The following ACCS variants were observed in gnomAD, a reference collection of about 807,000 sequenced individuals.
The protein encoded by ACCS is 1-aminocyclopropane-1-carboxylate synthase-like protein 1.
Under a neutral mutation model 59.8 loss-of-function variants are expected in ACCS, and 42 were observed. The ratio of observed to expected loss-of-function variants is 0.70; its 90% confidence interval spans 0.55 to 0.91. ACCS has a LOEUF of 0.91. Ranked by LOEUF, ACCS falls within the 40% of genes least tolerant of loss-of-function variation. The pLI, the probability that ACCS is intolerant of heterozygous loss-of-function variation, is 0.00. For missense variants in ACCS, 602 were observed against 630.4 expected, an observed-to-expected ratio of 0.95 and a Z score of 0.48; for synonymous variants, 230 against 240.3, an observed-to-expected ratio of 0.96 and a Z score of 0.40.
At chr11:44,075,651 C>T in intron 6 of ACCS, 59 bp downstream of exon 6, 5 of 1,585,686 alleles carry the variant, frequency 3.2e-6, no homozygotes, top group Non-Finnish European at 4.3e-6. Flanking sequence ...GCAGGGTTCC[C>T]AGTTGCCTGG....
Position 44,074,612 on chromosome 11 carries a change from C to G in ACCS, c.420C>G (p.Phe140Leu), listed in dbSNP as rs2134848264. The G allele has an allele frequency of 6.2e-7, 1 of 1,613,478 alleles. No homozygotes were observed. The highest frequency in any genetic ancestry group is 8.5e-7 in the Non-Finnish European group (1 of 1,179,692). ...LQYADWRGHLFLREEVAKFLS... is the reference protein window; with the variant it reads ...LQYADWRGHLLLREEVAKFLS... ...CACTGTCTTTTTGTCTTATCTTCAG[C>G]CTCCGGGAGGAAGTGGCCAAGTTCC... The change falls in exon 5 of 15, where the codon TTC becomes TTG. Residue 140 changes from phenylalanine to leucine, a missense_variant and splice_region_variant. Phe to Leu is a conservative substitution (Grantham distance 22). Transcript: ENST00000263776.
chr11:44,068,364 G>A (rs1952889707), intron 2 of ACCS, among the ~76,000 whole-genome samples: 1 of 152,188 alleles, frequency 6.6e-6, no homozygotes, highest in Non-Finnish European at 1.5e-5. Context: ...TTGGGAGGCT[G>A]AGGCAGAGGG....
intron 12 of ACCS, chr11:44,082,042 A>G (rs1021926066): frequency 1.3e-5 from 2 of 152,212 alleles, no homozygotes; most frequent in East Asian, 3.8e-4. Flanking sequence ...AAGAATTCTT[A>G]TATTTTCCTT....
rs1322089848 is a variant in ACCS, at chr11:44,083,797, G to C, written c.*5G>C. ...CCAAGTGACCAACGCAGGTGAGCTG[G>C]TCATTGTCTCGTGGCCAGAGGGCCC... On this transcript the variant is annotated 3_prime_UTR_variant, in exon 15 of 15. Coordinates refer to ENST00000263776, the MANE Select transcript of ACCS (RefSeq NM_032592.4). The C allele has an allele frequency of 3.7e-6, 6 of 1,601,708 alleles. No individual in the cohort carries two copies. Among genetic ancestry groups the C allele is most frequent in the Non-Finnish European group, 4.3e-6 (5 of 1,174,072 alleles).
rs768328446 is a variant in ACCS, at chr11:44,077,829, A to G, written c.655-16A>G. On this transcript the variant is annotated splice_polypyrimidine_tract_variant and intron_variant, in intron 7 of 14. Coordinates refer to ENST00000263776, the MANE Select transcript of ACCS (RefSeq NM_032592.4). ...TCACTGAATGTGGCTGGTGGCTCTG[A>G]TGGGTCTTTTTCCAGGTCACTGGGC... 3.1e-6 allele frequency: 5 copies of G among 1,611,902 alleles called. No homozygotes were observed. Among genetic ancestry groups the G allele is most frequent in the Non-Finnish European group, 4.2e-6 (5 of 1,179,034 alleles).
intron 8 of ACCS, 87 bp downstream of exon 8, chr11:44,078,009 G>A (rs1432477844): frequency 1.7e-5 from 25 of 1,482,784 alleles, no homozygotes; most frequent in South Asian, 5.4e-5. Flanking sequence ...ATCTCCTCCC[G>A]GGAGTAGGGT....
chr11:44,082,610 AGTCACATCAGAG>A (rs1953690301), intron 12 of ACCS, among the ~76,000 whole-genome samples: 2 of 152,216 alleles, frequency 1.3e-5, no homozygotes, highest in African/African-American at 4.8e-5. Context: ...ATCTGTTTAT[AGTCACATCAGAG>A]ATGTGACTAT....
At chr11:44,073,199 G>C (rs1394347091) in intron 3 of ACCS, 4 of 518,254 alleles carry the variant, frequency 7.7e-6, no homozygotes, top group African/African-American at 5.8e-5. Flanking sequence ...TGCCAGACTA[G>C]GAGTCAAAAA....
chr11:44,076,762 A>T (rs1024506899), intron 6 of ACCS, among the ~76,000 whole-genome samples: 1 of 152,370 alleles, frequency 6.6e-6, no homozygotes, highest in East Asian at 1.9e-4. Context: ...CTCATGTGCT[A>T]ATAAAGACAT....
Position 44,077,696 on chromosome 11 carries a change from A to G in ACCS, c.655-149A>G, listed in dbSNP as rs1953439654. 8 of 1,457,032 alleles carry G rather than the reference A, an allele frequency of 5.5e-6. No individual in the cohort carries two copies. The South Asian group carries it at 1.0e-4, about 19-fold the overall frequency. The allele number at this position is 1,457,032 out of a possible 1,614,324, so 90.3% of individuals were successfully genotyped here. On this transcript the variant is annotated intron_variant, in intron 7 of 14. Transcript: ENST00000263776. ...AAGTGATGGGTTGGGGGTGGATGGC[A>G]GTAAGAGGGAGGGACCCCACCTGCT...
intron 6 of ACCS, among the ~76,000 whole-genome samples, chr11:44,076,071 C>T (rs1439678263): frequency 6.6e-6 from 1 of 152,182 alleles, no homozygotes; most frequent in Admixed American, 6.5e-5. Flanking sequence ...GGTTTGTCCC[C>T]CAGGGACAGG....
intron 2 of ACCS, 50 bp from the exon 3 acceptor site, chr11:44,071,206 C>T: frequency 6.2e-7 from 1 of 1,602,664 alleles, no homozygotes; most frequent in South Asian, 1.1e-5. Context: ...GGGCCTTTCA[C>T]TGGCACCCCC....
intron 10 of ACCS, 38 bp downstream of exon 10, chr11:44,079,658 A>T: frequency 1.9e-6 from 3 of 1,565,232 alleles, no homozygotes; most frequent in Non-Finnish European, 2.6e-6. Flanking sequence ...CCCAGTCCCT[A>T]TTATCCCACG....
At chr11:44,079,067 A>G in intron 9 of ACCS, 1 of 447,456 alleles carries the variant, frequency 2.2e-6, no homozygotes, top group Non-Finnish European at 4.0e-6. Flanking sequence ...ATGCTATCAT[A>G]CAATCCTCAC....
chr11:44,067,759 G>T lies in ACCS; in HGVS notation c.132G>T (p.Leu44=). Residue 44 remains leucine (L), a synonymous_variant, in exon 2 of 15, where the codon CTG becomes CTT. Coordinates refer to ENST00000263776, the MANE Select transcript of ACCS (RefSeq NM_032592.4). ...GECSRKLDQK[L]PELRGVGDPA... is the part of the protein sequence containing the mutation. ...GCTCCAGAAAACTGGACCAGAAGCT[G>T]CCAGAGCTCCGTGGAGTGGGTGATC... 6.2e-7 allele frequency: 1 copy of T among 1,614,222 alleles called. No individual in the cohort carries two copies. Among genetic ancestry groups the T allele is most frequent in the Non-Finnish European group, 8.5e-7 (1 of 1,180,032 alleles).
rs1175429971 is a variant in ACCS at position 44,083,800 on chromosome 11, A to C, written c.*8A>C. 2 of 1,596,708 alleles carry C rather than the reference A, an allele frequency of 1.3e-6. No homozygotes were observed. Among genetic ancestry groups the C allele is most frequent in the Non-Finnish European group, 1.7e-6 (2 of 1,171,530 alleles). ...AGTGACCAACGCAGGTGAGCTGGTC[A>C]TTGTCTCGTGGCCAGAGGGCCCAGC... On this transcript the variant is annotated 3_prime_UTR_variant, in exon 15 of 15. Transcript: ENST00000263776.
chr11:44,077,598 C>G (rs1953435247), intron 7 of ACCS: 1 of 1,435,438 alleles, frequency 7.0e-7, no homozygotes, highest in Non-Finnish European at 9.1e-7. Context: ...AGAGCCAGAC[C>G]CAGAAACAGC....
intron 6 of ACCS, among the ~76,000 whole-genome samples, chr11:44,076,253 G>C (rs901074662): frequency 6.6e-6 from 1 of 152,206 alleles, no homozygotes; most frequent in Non-Finnish European, 1.5e-5. Context: ...TGGTTGCAAG[G>C]AAAAGAGACC....
intron 8 of ACCS, 111 bp downstream of exon 8, chr11:44,078,033 T>C (rs1953461513): frequency 7.4e-7 from 1 of 1,357,570 alleles, no homozygotes; most frequent in East Asian, 2.5e-5. Flanking sequence ...TACCCGGTGA[T>C]TGGGACAGAC....
Sources: allele counts gnomAD v4.1 joint callset (sites outside exome capture counted in the v4.1 genomes callset), GRCh38; gene constraint gnomAD v4.1.1; transcripts MANE v1.5; gene names NCBI Gene and HGNC (gene_info 2026-07-23, HGNC 2026-07-21).